Variants in STAU2 observed in about 807,000 individuals in gnomAD.
STAU2 encodes the protein double-stranded RNA-binding protein Staufen homolog 2.
In STAU2, 20 loss-of-function variants were observed where a neutral mutation model predicts 65.9. The observed-to-expected ratio is 0.30, with a 90% CI of 0.21 to 0.44. The LOEUF (loss-of-function observed/expected upper bound fraction) is 0.44. Ranked by LOEUF, STAU2 falls within the 20% of genes least tolerant of loss-of-function variation. The probability of loss-of-function intolerance (pLI) is 1.00; values close to 1 mark genes in which losing one functional copy is unlikely to be tolerated. For synonymous variants in STAU2, 232 were observed against 233.9 expected (o/e 0.99, Z 0.07); for missense variants, 558 against 683.9 (o/e 0.82, Z 2.05).
intron 6 of STAU2, among the ~76,000 whole-genome samples, chr8:73,631,241 G>A (rs1814068914): frequency 6.6e-6 from 1 of 152,070 alleles, no homozygotes; most frequent in Admixed American, 6.6e-5. Flanking sequence ...TGTAGTTCCA[G>A]CTACTCAGAA....
intron 13 of STAU2, chr8:73,527,782 CTT>C: frequency 6.5e-7 from 1 of 1,536,600 alleles, no homozygotes. Context: ...CTCTTTGCCA[CTT>C]TGTCTATCAC....
chr8:73,698,458 T>TA (rs1473307061), intron 4 of STAU2, among the ~76,000 whole-genome samples: 1 of 151,904 alleles, frequency 6.6e-6, no homozygotes, highest in Non-Finnish European at 1.5e-5. Context: ...TGGAGAAACA[T>TA]ATTCCATGGC....
intron 13 of STAU2, among the ~76,000 whole-genome samples, chr8:73,438,141 T>G (rs1469915889): frequency 6.6e-6 from 1 of 152,142 alleles, no homozygotes; most frequent in Non-Finnish European, 1.5e-5. Flanking sequence ...AGGACTGTGC[T>G]TATTTCCCTC....
At chr8:73,736,529 A>G (rs181182121) in intron 3 of STAU2, among the ~76,000 whole-genome samples, 2 of 152,336 alleles carry the variant, frequency 1.3e-5, no homozygotes, top group East Asian at 3.9e-4. Flanking sequence ...ACTGCAGTCA[A>G]GCAAGCCAAA....
At chr8:73,523,062 GGC>G in intron 13 of STAU2, among the ~76,000 whole-genome samples, 1 of 151,838 alleles carries the variant, frequency 6.6e-6, no homozygotes, top group East Asian at 1.9e-4. Flanking sequence ...CAGGTGTGGT[GGC>G]GTGCACCTGT....
At chr8:73,436,390 G>A (rs1246246357) in intron 13 of STAU2, among the ~76,000 whole-genome samples, 9 of 151,460 alleles carry the variant, frequency 5.9e-5, no homozygotes, top group East Asian at 5.8e-4. Context: ...CCTTTGCTCC[G>A]TCCCAAATTT....
At chr8:73,495,127 T>G (rs1228060361) in intron 13 of STAU2, among the ~76,000 whole-genome samples, 1 of 151,630 alleles carries the variant, frequency 6.6e-6, no homozygotes, top group Non-Finnish European at 1.5e-5. Context: ...TTTTCCATTT[T>G]CAATGGAAAT....
At chr8:73,627,688 T>C (rs1388264503) in intron 6 of STAU2, among the ~76,000 whole-genome samples, 1 of 151,786 alleles carries the variant, frequency 6.6e-6, no homozygotes, top group Non-Finnish European at 1.5e-5. Flanking sequence ...AAATAGCAGC[T>C]GATAAAGAAT....
At chr8:73,481,897 G>A (rs1276988690) in intron 13 of STAU2, among the ~76,000 whole-genome samples, 1 of 152,072 alleles carries the variant, frequency 6.6e-6, no homozygotes, top group Non-Finnish European at 1.5e-5. Flanking sequence ...TTTTCCTTTA[G>A]GTCTAGTACA....
chr8:73,740,054 T>C (rs1204308118), intron 1 of STAU2, among the ~76,000 whole-genome samples, 186 bp from the exon 2 acceptor site: 2 of 152,136 alleles, frequency 1.3e-5, no homozygotes, highest in African/African-American at 2.4e-5. Flanking sequence ...CCAGCAACAA[T>C]TGATTTCTTC....
chr8:73,467,188 T>C (rs1819703153), intron 13 of STAU2, among the ~76,000 whole-genome samples: 1 of 152,240 alleles, frequency 6.6e-6, no homozygotes, highest in Non-Finnish European at 1.5e-5. Context: ...TCAAGAGCTA[T>C]GCCTGTTCTA....
chr8:73,513,306 C>T (rs777350893), intron 13 of STAU2, among the ~76,000 whole-genome samples: 19 of 152,062 alleles, frequency 1.2e-4, no homozygotes, highest in Non-Finnish European at 1.5e-4. Flanking sequence ...TATTTTTAAG[C>T]CTGATTCTTA....
chr8:73,701,236 C>T (rs546324126), intron 4 of STAU2, among the ~76,000 whole-genome samples: 2 of 152,084 alleles, frequency 1.3e-5, no homozygotes, highest in East Asian at 3.9e-4. Flanking sequence ...TTGAGTAATA[C>T]CCCACAGGCA....
At chr8:73,569,102 C>T (rs530700642) in intron 12 of STAU2, among the ~76,000 whole-genome samples, 4 of 152,150 alleles carry the variant, frequency 2.6e-5, no homozygotes, top group East Asian at 3.9e-4. Flanking sequence ...ATCAGGACAC[C>T]GCCACCCTAA....
intron 13 of STAU2, among the ~76,000 whole-genome samples, chr8:73,538,199 G>A (rs1806306900): frequency 6.6e-6 from 1 of 152,104 alleles, no homozygotes; most frequent in Non-Finnish European, 1.5e-5. Flanking sequence ...AATAAAATCT[G>A]TACATTAGTT....
chr8:73,523,377 T>C (rs951616289), intron 13 of STAU2, among the ~76,000 whole-genome samples: 3 of 151,624 alleles, frequency 2.0e-5, no homozygotes, highest in Non-Finnish European at 2.9e-5. Context: ...GAATCAGGAC[T>C]GCATACGAGT....
At chr8:73,685,017 G>A (rs550839044) in intron 5 of STAU2, among the ~76,000 whole-genome samples, 35 of 152,250 alleles carry the variant, frequency 2.3e-4, no homozygotes, top group Admixed American at 9.2e-4. Context: ...TCATGGGGGC[G>A]GTTTCCCCCT....
At chr8:73,449,977 T>C (rs546811495) in intron 13 of STAU2, among the ~76,000 whole-genome samples, 2 of 152,320 alleles carry the variant, frequency 1.3e-5, no homozygotes, top group East Asian at 1.9e-4. Context: ...GCCAGATACC[T>C]TCCAAGAGGC....
chr8:73,649,872 T>C (rs1563481219), intron 6 of STAU2, among the ~76,000 whole-genome samples: 1 of 72,818 alleles, frequency 1.4e-5, no homozygotes, highest in Non-Finnish European at 2.8e-5. Context: ...TATAATTTTA[T>C]ATATATATAT....
Sources: allele counts gnomAD v4.1 joint callset (sites outside exome capture counted in the v4.1 genomes callset), GRCh38; gene constraint gnomAD v4.1.1; transcripts MANE v1.5; gene names NCBI Gene and HGNC (gene_info 2026-07-23, HGNC 2026-07-21).